The following EPHB1 variants were observed in gnomAD, a reference collection of about 807,000 sequenced individuals.
The protein encoded by EPHB1 is ephrin type-B receptor 1.
EPHB1 carries 30 observed loss-of-function variants against 94.4 expected under a neutral mutation model. The ratio of observed to expected loss-of-function variants is 0.32; its 90% CI spans 0.24 to 0.43. EPHB1 has a LOEUF of 0.43. EPHB1 is among the 20% of genes least tolerant of loss of function. EPHB1 has a pLI of 1.00. For missense variants in EPHB1, 1,055 were observed against 1,308.3 expected (o/e 0.81, Z 2.99); for synonymous variants, 522 against 489.1 (o/e 1.07, Z -0.89).
chr3:134,927,089 G>A (rs965974836), intron 2 of EPHB1, among the ~76,000 whole-genome samples: 1 of 152,112 alleles, frequency 6.6e-6, no homozygotes, highest in Admixed American at 6.5e-5. Flanking sequence ...GCTAGGACAG[G>A]GTGGCCCTGG....
chr3:134,796,071 G>C (rs1376581111), intron 1 of EPHB1: 2 of 293,952 alleles, frequency 6.8e-6, no homozygotes, highest in Non-Finnish European at 1.3e-5. Flanking sequence ...CTGGCCATCC[G>C]GCTCCTGGAG....
intron 3 of EPHB1, among the ~76,000 whole-genome samples, chr3:135,024,469 G>A (rs1936078741): frequency 6.6e-6 from 1 of 152,034 alleles, no homozygotes; most frequent in African/African-American, 2.4e-5. Context: ...TTTCAACCAC[G>A]TGGTTTAGAA....
At chr3:134,836,001 A>G (rs2036668767) in intron 1 of EPHB1, among the ~76,000 whole-genome samples, 1 of 152,224 alleles carries the variant, frequency 6.6e-6, no homozygotes, top group African/African-American at 2.4e-5. Flanking sequence ...GTTTTAGTGA[A>G]AGGCTGTATC....
In EPHB1 at chr3:134,795,460, C is replaced by A; in HGVS notation, c.-172C>A. On this transcript the variant is annotated 5_prime_UTR_variant, in exon 1 of 16. Transcript: ENST00000398015. Reference sequence around the variant, plus strand: ...CCACGCGCGCCCGCACCGCCCCACGCGCACACACTCCTGCCCACGCCCACG... The same window carrying A: ...CCACGCGCGCCCGCACCGCCCCACGAGCACACACTCCTGCCCACGCCCACG... The A allele has an allele frequency of 1.6e-6, 1 of 609,600 alleles. No homozygotes were observed. The highest frequency in any genetic ancestry group is 2.8e-6 in the Non-Finnish European group (1 of 361,362). The allele number at this position is 609,600 out of a possible 1,614,324, so 37.8% of individuals were successfully genotyped here. A position where few individuals can be genotyped will look rare whatever the true frequency, so the allele number is the denominator to read the frequency against.
intron 3 of EPHB1, among the ~76,000 whole-genome samples, chr3:135,048,756 T>G (rs1036456587): frequency 6.6e-6 from 1 of 152,174 alleles, no homozygotes; most frequent in African/African-American, 2.4e-5. Context: ...TAGGGCTGAG[T>G]GGACTTTGCT....
intron 3 of EPHB1, among the ~76,000 whole-genome samples, chr3:135,098,210 C>G (rs1938879568): frequency 1.3e-5 from 2 of 152,142 alleles, no homozygotes; most frequent in Non-Finnish European, 2.9e-5. Context: ...TTTAAATGTA[C>G]TGGATGAGAA....
At chr3:134,897,945 G>A (rs1439939816) in intron 1 of EPHB1, among the ~76,000 whole-genome samples, 1 of 152,176 alleles carries the variant, frequency 6.6e-6, no homozygotes, top group Admixed American at 6.5e-5. Context: ...AGCTGTATGT[G>A]GAGTGTAGCA....
At chr3:135,048,395 C>T (rs1422533840) in intron 3 of EPHB1, among the ~76,000 whole-genome samples, 5 of 151,672 alleles carry the variant, frequency 3.3e-5, no homozygotes, top group African/African-American at 1.2e-4. Flanking sequence ...TCAGCCTCCC[C>T]AGTAGCTGGG....
chr3:134,849,439 A>G (rs949610714), intron 1 of EPHB1, among the ~76,000 whole-genome samples: 1 of 152,180 alleles, frequency 6.6e-6, no homozygotes, highest in Non-Finnish European at 1.5e-5. Flanking sequence ...TCAAGTAGAG[A>G]GGAAGATGAG....
At chr3:134,866,083 G>GC (rs2037371188) in intron 1 of EPHB1, among the ~76,000 whole-genome samples, 1 of 152,172 alleles carries the variant, frequency 6.6e-6, no homozygotes, top group Non-Finnish European at 1.5e-5. Flanking sequence ...TGAGGGGTGA[G>GC]CAGAGGCTGC....
At chr3:134,844,008 GCAA>G in intron 1 of EPHB1, among the ~76,000 whole-genome samples, 1 of 152,112 alleles carries the variant, frequency 6.6e-6, no homozygotes, top group Non-Finnish European at 1.5e-5. Flanking sequence ...ATGTATTATA[GCAA>G]CTCTGAGTGT....
At chr3:135,137,969 A>T (rs1217085411) in intron 5 of EPHB1, among the ~76,000 whole-genome samples, 1 of 152,184 alleles carries the variant, frequency 6.6e-6, no homozygotes, top group African/African-American at 2.4e-5. Flanking sequence ...CCAGTGAGCT[A>T]ATGATGAGGT....
intron 12 of EPHB1, among the ~76,000 whole-genome samples, chr3:135,222,287 A>C (rs1490927850): frequency 6.6e-6 from 1 of 152,174 alleles, no homozygotes; most frequent in Admixed American, 6.5e-5. Flanking sequence ...ATTTGCTCTC[A>C]TCTTCTCTGA....
chr3:135,129,760 C>A (rs554955038), intron 4 of EPHB1, among the ~76,000 whole-genome samples: 37 of 152,206 alleles, frequency 2.4e-4, no homozygotes, highest in Non-Finnish European at 4.0e-4. Flanking sequence ...AGGGAAGGGT[C>A]CTAGTGGAAT....
At position 135,072,877 on chromosome 3, in the gene EPHB1, C is replaced by A. The variant is rs528104957; in HGVS notation, c.806-33571C>A. ...CTCCATGAGAGTGTTGCTCTTTTTT[C>A]TTCTTGATCTGTTTTGCTTGATTTG... On this transcript the variant is annotated intron_variant, in intron 3 of 15. Coordinates refer to ENST00000398015, the MANE Select transcript of EPHB1 (RefSeq NM_004441.5). 1.4e-4 allele frequency among the ~76,000 whole-genome samples: 22 copies of A among 152,034 alleles called. No individual in the cohort carries two copies. In the East Asian group the frequency reaches 3.9e-3, roughly 27 times the overall value.
intron 5 of EPHB1, among the ~76,000 whole-genome samples, chr3:135,145,570 A>G (rs2107691899): frequency 6.6e-6 from 1 of 152,310 alleles, no homozygotes; most frequent in African/African-American, 2.4e-5. Context: ...TTCACACTTT[A>G]TACTTCAGGG....
chr3:135,070,081 C>G (rs1386695049), intron 3 of EPHB1, among the ~76,000 whole-genome samples: 1 of 152,162 alleles, frequency 6.6e-6, no homozygotes, highest in Admixed American at 6.5e-5. Flanking sequence ...AAATTGAATT[C>G]TTTCCATTTC....
chr3:134,905,479 G>A (rs547839659), intron 1 of EPHB1, among the ~76,000 whole-genome samples: 1 of 152,370 alleles, frequency 6.6e-6, no homozygotes, highest in South Asian at 2.1e-4. Flanking sequence ...AGGGGGCAGG[G>A]CAAGCATTCT....
Position 135,234,690 on chromosome 3 carries a change from G to T in EPHB1, c.2347-6458G>T, listed in dbSNP as rs566512586. Among the ~76,000 whole-genome samples, 159 of 152,310 alleles carry T rather than the reference G, an allele frequency of 1.0e-3. 1 individual carries two copies. The highest frequency in any genetic ancestry group is 1.8e-3 in the Non-Finnish European group (120 of 68,032). On this transcript the variant is annotated intron_variant, in intron 12 of 15. Coordinates refer to ENST00000398015, the MANE Select transcript of EPHB1 (RefSeq NM_004441.5). ...ACCTCAGGAAACTTACAATCATGGT[G>T]GAAGGGGAAGCAAACTTGTCCTTCT...
Sources: gnomAD v4.1 joint callset for allele counts (sites outside exome capture counted in the v4.1 genomes callset) on GRCh38, gnomAD v4.1.1 for gene constraint, MANE v1.5 for transcripts, NCBI Gene and HGNC (gene_info 2026-07-23, HGNC 2026-07-21) for gene names.